SENP6: variants seen among roughly 807,000 people sequenced by gnomAD.
SENP6 encodes sentrin-specific protease 6.
Under a neutral mutation model 134.5 loss-of-function variants are expected in SENP6, and 41 were observed. The ratio of observed to expected loss-of-function variants is 0.30; its 90% confidence interval spans 0.24 to 0.40. The LOEUF (loss-of-function observed/expected upper bound fraction) is 0.40, where lower values mean the gene tolerates loss of function less well. Among genes scored for constraint, SENP6 ranks in the 10% least tolerant of loss-of-function variants. SENP6 has a pLI of 1.00. For missense variants in SENP6, 1,248 were observed against 1,312.5 expected, an observed-to-expected ratio of 0.95 and a Z score of 0.76; for synonymous variants, 395 against 429.8, an observed-to-expected ratio of 0.92 and a Z score of 1.00.
intron 5 of SENP6, among the ~76,000 whole-genome samples, chr6:75,638,650 T>A (rs1172791168): frequency 2.1e-4 from 23 of 109,268 alleles, no homozygotes; most frequent in Non-Finnish European, 3.5e-4. Flanking sequence ...TTTTTTTTTT[T>A]AACTGTTTTC....
At chr6:75,685,577 C>G (rs1008543311) in intron 16 of SENP6, among the ~76,000 whole-genome samples, 4 of 152,106 alleles carry the variant, frequency 2.6e-5, no homozygotes, top group African/African-American at 9.7e-5. Flanking sequence ...TAAATGTGTC[C>G]AAGAGATTCT....
At chr6:75,636,153 A>G (rs1769495718) in intron 5 of SENP6, among the ~76,000 whole-genome samples, 1 of 152,164 alleles carries the variant, frequency 6.6e-6, no homozygotes, top group Non-Finnish European at 1.5e-5. Flanking sequence ...CATTTACATA[A>G]AAGATTAGAT....
chr6:75,714,744 T>A (rs745760574), intron 23 of SENP6, among the ~76,000 whole-genome samples: 1 of 152,210 alleles, frequency 6.6e-6, no homozygotes, highest in African/African-American at 2.4e-5. Flanking sequence ...TGCCATTGTT[T>A]CATGTTCTTT....
chr6:75,703,377 T>G (rs780702635), intron 19 of SENP6, among the ~76,000 whole-genome samples: 1 of 151,844 alleles, frequency 6.6e-6, no homozygotes, highest in Non-Finnish European at 1.5e-5. Context: ...TACTGAGGTA[T>G]AATTATAATA....
chr6:75,701,211 G>T (rs768510574), intron 18 of SENP6, among the ~76,000 whole-genome samples: 1 of 152,172 alleles, frequency 6.6e-6, no homozygotes. Context: ...ATATTATTGT[G>T]CTTGACCAAT....
At chr6:75,630,278 C>T (rs1164980492) in intron 3 of SENP6, among the ~76,000 whole-genome samples, 2 of 152,116 alleles carry the variant, frequency 1.3e-5, no homozygotes, top group East Asian at 3.8e-4. Flanking sequence ...CCATGTTGGT[C>T]AGGCTGGTCT....
chr6:75,648,563 A>G (rs565937584), intron 7 of SENP6, among the ~76,000 whole-genome samples: 5 of 152,250 alleles, frequency 3.3e-5, no homozygotes, highest in African/African-American at 1.2e-4. Flanking sequence ...TGTATTGAAC[A>G]TTTCTCTATT....
chr6:75,643,246 A>C (rs1315217717), intron 6 of SENP6, among the ~76,000 whole-genome samples: 2 of 152,258 alleles, frequency 1.3e-5, no homozygotes, highest in Non-Finnish European at 2.9e-5. Context: ...TAGTTATAAT[A>C]ACTGTAGTCA....
Position 75,718,227 on chromosome 6 carries a change from A to C in SENP6, c.*2633A>C, listed in dbSNP as rs1776092293. 1 of 152,242 alleles carries C rather than the reference A, an allele frequency of 6.6e-6. No homozygotes were observed. The highest frequency in any genetic ancestry group is 1.5e-5 in the Non-Finnish European group (1 of 68,034). 9.4% of individuals were successfully genotyped at this position (152,242 alleles called of 1,614,324 possible). ...CCCCCAAAATCAAAAATTGTACTTA[A>C]AATCTCAGACAATTCACTGAACAGG... On this transcript the variant is annotated 3_prime_UTR_variant, in exon 24 of 24. Coordinates refer to ENST00000447266, the MANE Select transcript of SENP6 (RefSeq NM_015571.4).
Position 75,607,114 on chromosome 6 carries a change from A to G in SENP6, c.52+4538A>G, listed in dbSNP as rs537228495. ...TGTAATCCCAGCATTTTGGGAGGCC[A>G]AGTTGAGAGGATTGCTTGAGCCCAG... On this transcript the variant is annotated intron_variant, in intron 1 of 23. Coordinates refer to ENST00000447266, the MANE Select transcript of SENP6 (RefSeq NM_015571.4). 7.9e-4 allele frequency among the ~76,000 whole-genome samples: 121 copies of G among 152,232 alleles called. 1 individual carries two copies. The highest frequency in any genetic ancestry group is 1.3e-3 in the Non-Finnish European group (91 of 68,002).
At position 75,626,911 on chromosome 6, in the gene SENP6, G is replaced by GT. The variant is rs201418276; in HGVS notation, c.207+2960dup. Among the ~76,000 whole-genome samples, 1,063 of 150,706 alleles carry GT rather than the reference G, an allele frequency of 7.1e-3. 8 individuals carry two copies. Among genetic ancestry groups the GT allele is most frequent in the African/African-American group, 0.024 (972 of 41,030 alleles). On this transcript the variant is annotated intron_variant, in intron 3 of 23. Coordinates refer to ENST00000447266, the MANE Select transcript of SENP6 (RefSeq NM_015571.4). Reference sequence around the variant, plus strand: ...TTTACTTTTTTTTCCGTCTTTCTGGGTTTTTTTTTCCCTCTGCAACAGCTC... The same window carrying GT: ...TTTACTTTTTTTTCCGTCTTTCTGGGTTTTTTTTTTCCCTCTGCAACAGCTC...
chr6:75,686,484 A>G (rs571915267), intron 16 of SENP6, among the ~76,000 whole-genome samples: 1 of 152,184 alleles, frequency 6.6e-6, no homozygotes, highest in Non-Finnish European at 1.5e-5. Flanking sequence ...CAGTTTCTTC[A>G]TAGCATCGAT....
intron 19 of SENP6, among the ~76,000 whole-genome samples, chr6:75,705,924 CCTTTTTTTTTTTTTTTTTT>C (rs1775371143): frequency 1.1e-5 from 1 of 89,280 alleles, no homozygotes; most frequent in Non-Finnish European, 2.2e-5. Flanking sequence ...TATTTTTGAG[CCTTTTTTTTTTTTTTTTTT>C]TTTTTTTTTT....
rs1210762229 is a variant in SENP6 at position 75,638,590 on chromosome 6, GTATA to G, written c.459-2064_459-2061del. On this transcript the variant is annotated intron_variant, in intron 5 of 23. Coordinates refer to ENST00000447266, the MANE Select transcript of SENP6 (RefSeq NM_015571.4). ...TGTGTGTGTGTGTGTGTGTGTGTGT[GTATA>G]TATATATATATATATATATATATAT... Among the ~76,000 whole-genome samples, 52 of 61,566 alleles carry G rather than the reference GTATA, an allele frequency of 8.4e-4. 1 individual carries two copies. The highest frequency in any genetic ancestry group is 1.3e-3 in the African/African-American group (18 of 13,614). 40.4% of individuals were successfully genotyped at this position (61,566 alleles called of 152,430 possible). A position where few individuals can be genotyped will look rare whatever the true frequency, so the allele number is the denominator to read the frequency against.
At chr6:75,671,265 AT>A (rs1469315495) in intron 11 of SENP6, among the ~76,000 whole-genome samples, 4 of 152,052 alleles carry the variant, frequency 2.6e-5, no homozygotes, top group African/African-American at 7.2e-5. Context: ...CTTAGTCATT[AT>A]TTTTTTCTCT....
At chr6:75,708,605 A>G (rs1271366079) in intron 19 of SENP6, among the ~76,000 whole-genome samples, 1 of 152,102 alleles carries the variant, frequency 6.6e-6, no homozygotes, top group Non-Finnish European at 1.5e-5. Context: ...TAAAAAATAA[A>G]TAAGTGAGGC....
intron 16 of SENP6, among the ~76,000 whole-genome samples, chr6:75,695,197 G>T (rs1325094600): frequency 2.0e-5 from 3 of 151,866 alleles, no homozygotes; most frequent in Non-Finnish European, 2.9e-5. Context: ...TTGGTTTTTT[G>T]TGTGTGTGAC....
At chr6:75,607,897 T>C (rs1032103736) in intron 1 of SENP6, among the ~76,000 whole-genome samples, 1 of 144,814 alleles carries the variant, frequency 6.9e-6, no homozygotes, top group Admixed American at 6.8e-5. Flanking sequence ...TAACACTGTC[T>C]GTTGAACTAG....
At chr6:75,675,735 A>T in intron 12 of SENP6, 125 bp from the exon 13 acceptor site, 1 of 946,232 alleles carries the variant, frequency 1.1e-6, no homozygotes. Flanking sequence ...CACAAGAGTA[A>T]TGATTTATAG....
Sources: gnomAD v4.1 joint callset for allele counts (sites outside exome capture counted in the v4.1 genomes callset) on GRCh38, gnomAD v4.1.1 for gene constraint, MANE v1.5 for transcripts, NCBI Gene and HGNC (gene_info 2026-07-23, HGNC 2026-07-21) for gene names.